The following HM13 variants were observed in gnomAD, a reference collection of about 807,000 sequenced individuals.
The protein encoded by HM13 is signal peptide peptidase.
A neutral mutation model predicts 50.0 loss-of-function variants in HM13; 18 were observed. The observed-to-expected ratio is 0.36, with a 90% CI of 0.25 to 0.53. HM13 has a LOEUF of 0.53. Among genes scored for constraint, HM13 ranks in the 20% least tolerant of loss-of-function variants. The pLI is 0.90. For missense variants in HM13, 393 were observed against 552.4 expected, an observed-to-expected ratio of 0.71 and a Z score of 2.89; for synonymous variants, 197 against 232.6, an observed-to-expected ratio of 0.85 and a Z score of 1.39.
At chr20:31,531,815 G>C (rs1982837360) in intron 2 of HM13, among the ~76,000 whole-genome samples, 1 of 152,088 alleles carries the variant, frequency 6.6e-6, no homozygotes, top group South Asian at 2.1e-4. Flanking sequence ...TTAAAAATTA[G>C]CCAGACATGG....
intron 2 of HM13, among the ~76,000 whole-genome samples, chr20:31,534,930 A>C (rs1354860879): frequency 6.6e-6 from 1 of 152,124 alleles, no homozygotes; most frequent in African/African-American, 2.4e-5. Context: ...TAAACAAAAT[A>C]CAAAAATTAG....
At chr20:31,536,803 C>A (rs115473511) in intron 2 of HM13, among the ~76,000 whole-genome samples, 528 of 152,346 alleles carry the variant, frequency 3.5e-3, no homozygotes, top group African/African-American at 0.012. Context: ...CCTTCCCTGA[C>A]CACCTGTCTA....
chr20:31,566,202 T>C lies in HM13; in HGVS notation c.949-8T>C. The C allele has an allele frequency of 6.2e-7, 1 of 1,612,840 alleles. No individual in the cohort carries two copies. The highest frequency in any genetic ancestry group is 8.5e-7 in the Non-Finnish European group (1 of 1,179,062). On this transcript the variant is annotated splice_polypyrimidine_tract_variant and splice_region_variant and intron_variant, in intron 10 of 12. Transcript: ENST00000398174. ...AGCATGGCTTCACCAGCCTGTGTCC[T>C]CTCATAGCCTGCCCTCCTATACCTG...
intron 9 of HM13, among the ~76,000 whole-genome samples, chr20:31,560,867 G>A (rs1350315979): frequency 6.6e-6 from 1 of 152,226 alleles, no homozygotes; most frequent in Non-Finnish European, 1.5e-5. Flanking sequence ...GAGAGAAGGG[G>A]GTCAGAAGCA....
At chr20:31,527,423 G>A (rs139162443) in intron 1 of HM13, 61 bp from the exon 2 acceptor site, 3 of 1,180,382 alleles carry the variant, frequency 2.5e-6, no homozygotes, top group Middle Eastern at 1.9e-4. Flanking sequence ...CATTAGCAGA[G>A]CCTTGCAGGA....
chr20:31,554,611 G>C, intron 7 of HM13, 135 bp from the exon 8 acceptor site: 1 of 645,702 alleles, frequency 1.5e-6, no homozygotes, highest in Non-Finnish European at 2.7e-6. Flanking sequence ...GAACCCAGGA[G>C]ATGGAGCTTG....
At position 31,566,985 on chromosome 20, in the gene HM13, C is replaced by T. The variant is rs568753351; in HGVS notation, c.1034+690C>T. On this transcript the variant is annotated intron_variant, in intron 11 of 12. Transcript: ENST00000398174. ...TAAAGCTGCCTACTCGGGTGCCTTC[C>T]GCCCAGTTCCACCTGCCTGGCCTCC... Among the ~76,000 whole-genome samples the T allele has an allele frequency of 4.6e-5, 7 of 152,252 alleles. No homozygotes were observed. The East Asian group carries it at 7.8e-4, about 17-fold the overall frequency.
At chr20:31,549,415 T>C in intron 6 of HM13, 83 bp downstream of exon 6, 1 of 1,574,342 alleles carries the variant, frequency 6.4e-7, no homozygotes, top group South Asian at 1.1e-5. Context: ...CAAGTTGCAG[T>C]CATCTGACGG....
chr20:31,522,515 C>T (rs974538972), intron 1 of HM13, among the ~76,000 whole-genome samples: 1 of 149,702 alleles, frequency 6.7e-6, no homozygotes, highest in South Asian at 2.1e-4. Flanking sequence ...CATTGCACTC[C>T]AGCCTGTGCA....
intron 10 of HM13, among the ~76,000 whole-genome samples, chr20:31,564,305 G>A (rs527962827): frequency 7.0e-4 from 107 of 152,198 alleles, no homozygotes; most frequent in African/African-American, 2.4e-3. Context: ...GGCCAGGCAC[G>A]ATGGCTCACA....
intron 2 of HM13, among the ~76,000 whole-genome samples, chr20:31,534,711 G>A (rs1366827986): frequency 6.6e-6 from 1 of 152,020 alleles, no homozygotes; most frequent in Non-Finnish European, 1.5e-5. Flanking sequence ...GAACCCTGGA[G>A]GTCGAGGCTG....
chr20:31,548,186 A>G (rs1202648104), intron 4 of HM13: 8 of 701,454 alleles, frequency 1.1e-5, no homozygotes, highest in Non-Finnish European at 2.0e-5. Context: ...CTTTATAGAA[A>G]ACAAATCAGG....
At chr20:31,517,670 G>A (rs553066926) in intron 1 of HM13, among the ~76,000 whole-genome samples, 1 of 152,308 alleles carries the variant, frequency 6.6e-6, no homozygotes, top group East Asian at 1.9e-4. Flanking sequence ...CACAAGATGT[G>A]TTCAGGGAGG....
chr20:31,564,482 C>T (rs749885021), intron 10 of HM13, among the ~76,000 whole-genome samples: 21 of 151,750 alleles, frequency 1.4e-4, no homozygotes, highest in Non-Finnish European at 2.2e-4. Flanking sequence ...AGGACTGAGG[C>T]GAGAGGATCA....
chr20:31,550,587 A>C (rs553783511), intron 7 of HM13: 113 of 155,222 alleles, frequency 7.3e-4, no homozygotes, highest in Non-Finnish European at 6.2e-4. Flanking sequence ...CTCTAATCCG[A>C]AAATCTGAAA....
At chr20:31,545,371 C>CTCAA (rs11472246) in intron 4 of HM13, among the ~76,000 whole-genome samples, 46,977 of 151,862 alleles carry the variant, frequency 0.31, 12,034 homozygotes, top group African/African-American at 0.71. Flanking sequence ...ATAGTAAGCA[C>CTCAA]TCAAAGTCGG....
At chr20:31,565,349 G>A (rs1984847402) in intron 10 of HM13, among the ~76,000 whole-genome samples, 1 of 151,694 alleles carries the variant, frequency 6.6e-6, no homozygotes, top group South Asian at 2.1e-4. Context: ...CGTGGTGGCA[G>A]GCACCTGTAG....
intron 2 of HM13, among the ~76,000 whole-genome samples, chr20:31,534,838 C>T (rs1057014907): frequency 5.3e-5 from 8 of 152,088 alleles, no homozygotes; most frequent in Admixed American, 3.3e-4. Context: ...GTAATCCCAG[C>T]ACTTTGGGAG....
chr20:31,561,555 C>T, intron 9 of HM13, 79 bp from the exon 10 acceptor site: 1 of 1,010,356 alleles, frequency 9.9e-7, no homozygotes, highest in South Asian at 1.3e-5. Context: ...AGGGTCTTCC[C>T]CAGCTCCCTC....
Sources: gnomAD v4.1 joint callset for allele counts (sites outside exome capture counted in the v4.1 genomes callset) on GRCh38, gnomAD v4.1.1 for gene constraint, MANE v1.5 for transcripts, NCBI Gene and HGNC (gene_info 2026-07-23, HGNC 2026-07-21) for gene names.